The following ZFAT variants were observed in gnomAD, a reference collection of about 807,000 sequenced individuals.
The protein encoded by ZFAT is zinc finger and AT-hook domain containing.
In ZFAT, 64 loss-of-function variants were observed where a neutral mutation model predicts 117.7. The observed-to-expected ratio is 0.54, with a 90% CI of 0.44 to 0.67. ZFAT has a LOEUF of 0.67. Ranked by LOEUF, ZFAT falls within the 30% of genes least tolerant of loss-of-function variation. ZFAT has a pLI of 0.00. For missense variants in ZFAT, 1,433 were observed against 1,584.5 expected (o/e 0.90, Z 1.62); for synonymous variants, 679 against 615.0 (o/e 1.10, Z -1.54).
chr8:134,486,922 G>C (rs998336535), intron 15 of ZFAT, among the ~76,000 whole-genome samples: 5 of 152,160 alleles, frequency 3.3e-5, no homozygotes, highest in African/African-American at 1.2e-4. Context: ...AGGAACATGG[G>C]TGTGCATGTG....
the ZFAT span, among the ~76,000 whole-genome samples, chr8:134,746,669 T>C: frequency 1.3e-5 from 2 of 152,230 alleles, no homozygotes; most frequent in African/African-American, 2.4e-5. Flanking sequence ...CAATGCAGTG[T>C]CTTAGTTCTT....
chr8:134,596,552 C>T (rs930868452), intron 7 of ZFAT, among the ~76,000 whole-genome samples: 3 of 152,186 alleles, frequency 2.0e-5, no homozygotes, highest in African/African-American at 7.2e-5. Flanking sequence ...GAATTAACCT[C>T]CATGCTTTCT....
At chr8:134,612,450 T>A (rs1828410780) in intron 3 of ZFAT, among the ~76,000 whole-genome samples, 1 of 152,176 alleles carries the variant, frequency 6.6e-6, no homozygotes, top group African/African-American at 2.4e-5. Flanking sequence ...AGGGAAAAGA[T>A]AAAATGGAGG....
At chr8:134,826,014 C>T in the ZFAT span, among the ~76,000 whole-genome samples, 7 of 142,338 alleles carry the variant, frequency 4.9e-5, no homozygotes, top group Admixed American at 3.5e-4. Flanking sequence ...GAGCGAGACT[C>T]TGTCTCAAAA....
chr8:134,655,377 G>A (rs1831534842), intron 2 of ZFAT, among the ~76,000 whole-genome samples: 2 of 152,202 alleles, frequency 1.3e-5, no homozygotes, highest in Non-Finnish European at 2.9e-5. Context: ...GCGGGGTACG[G>A]TGGCTCACAC....
the ZFAT span, among the ~76,000 whole-genome samples, chr8:134,811,643 T>C: frequency 6.6e-6 from 1 of 152,182 alleles, no homozygotes; most frequent in Non-Finnish European, 1.5e-5. Context: ...ACCTTAATAG[T>C]ATAATTCTAT....
chr8:134,584,546 A>G (rs1825930408), intron 9 of ZFAT, among the ~76,000 whole-genome samples: 1 of 152,262 alleles, frequency 6.6e-6, no homozygotes, highest in African/African-American at 2.4e-5. Flanking sequence ...AAGCACATTT[A>G]CTTTGTAAAA....
chr8:134,572,896 C>T (rs1489693699), intron 10 of ZFAT, among the ~76,000 whole-genome samples: 1 of 152,034 alleles, frequency 6.6e-6, no homozygotes, highest in African/African-American at 2.4e-5. Context: ...CTTTATTTGA[C>T]CCACAGGCCC....
chr8:134,688,423 A>G (rs559071165), intron 1 of ZFAT, among the ~76,000 whole-genome samples: 66 of 152,358 alleles, frequency 4.3e-4, no homozygotes, highest in African/African-American at 1.6e-3. Context: ...AGACACAGGC[A>G]ATTCAGAAGC....
At chr8:134,556,647 G>A (rs1823648218) in intron 11 of ZFAT, among the ~76,000 whole-genome samples, 1 of 152,002 alleles carries the variant, frequency 6.6e-6, no homozygotes, top group Non-Finnish European at 1.5e-5. Flanking sequence ...GAAAAGGGAT[G>A]GAACATTTTT....
chr8:134,565,220 C>T lies in ZFAT; in HGVS notation c.2976+113G>A, dbSNP rs555524289. ...TCCACGTGTACCAGCTAAGGGGGCC[C>T]CAAAGCGAAGGTAAAACCAACAAAC... On this transcript the variant is annotated intron_variant, in intron 11 of 15. Transcript: ENST00000377838. The T allele has an allele frequency of 6.4e-6, 10 of 1,555,920 alleles. No homozygotes were observed. In the Admixed American group the frequency reaches 1.1e-4, roughly 18 times the overall value.
chr8:134,573,838 G>A (rs954630659), intron 10 of ZFAT, among the ~76,000 whole-genome samples: 3 of 152,234 alleles, frequency 2.0e-5, no homozygotes, highest in Non-Finnish European at 4.4e-5. Context: ...GTCCTTTGCA[G>A]CGCTGCCTGG....
At chr8:134,756,600 C>T in the ZFAT span, among the ~76,000 whole-genome samples, 1 of 152,250 alleles carries the variant, frequency 6.6e-6, no homozygotes, top group Non-Finnish European at 1.5e-5. Flanking sequence ...AGATGCTGGG[C>T]ACACTGCCTG....
At chr8:134,647,902 G>A (rs1215908522) in intron 2 of ZFAT, among the ~76,000 whole-genome samples, 1 of 152,048 alleles carries the variant, frequency 6.6e-6, no homozygotes, top group Non-Finnish European at 1.5e-5. Context: ...AATTAATATT[G>A]TTAAAATGTT....
At chr8:134,832,194 G>C in the ZFAT span, among the ~76,000 whole-genome samples, 25 of 151,444 alleles carry the variant, frequency 1.7e-4, no homozygotes, top group African/African-American at 5.8e-4. Context: ...TCCGCACTGA[G>C]AAAGCAGCCT....
At chr8:134,715,999 T>A (rs1183288160), upstream of ZFAT, among the ~76,000 whole-genome samples, 1 of 152,098 alleles carries the variant, frequency 6.6e-6, no homozygotes, top group Non-Finnish European at 1.5e-5. Context: ...TGGTGGCTCA[T>A]GCCTGTAATC....
chr8:134,825,358 C>A, the ZFAT span, among the ~76,000 whole-genome samples: 138 of 152,324 alleles, frequency 9.1e-4, no homozygotes, highest in Middle Eastern at 3.4e-3. Flanking sequence ...ACCTTTACCC[C>A]CTTCCCTCCC....
rs1273639476 is a variant in ZFAT at position 134,640,743 on chromosome 8, T to C, written c.197-3031A>G. Among the ~76,000 whole-genome samples the C allele has an allele frequency of 1.3e-5, 2 of 152,180 alleles. 1 individual carries two copies. Among genetic ancestry groups the C allele is most frequent in the Non-Finnish European group, 2.9e-5 (2 of 68,038 alleles). ...ATCTTCCAGCTTGCTGCATCCATAA[T>C]TCAGATCCTCAAGACCAATTAGCTA... is the stretch of plus-strand genomic sequence containing the variant. On this transcript the variant is annotated intron_variant, in intron 2 of 15. Coordinates refer to ENST00000377838, the MANE Select transcript of ZFAT (RefSeq NM_020863.4).
At chr8:134,754,472 A>G in the ZFAT span, among the ~76,000 whole-genome samples, 5 of 152,208 alleles carry the variant, frequency 3.3e-5, no homozygotes, top group African/African-American at 9.7e-5. Context: ...GGGAATATAA[A>G]CATGGGCTGC....
Sources: gnomAD v4.1 joint callset for allele counts (sites outside exome capture counted in the v4.1 genomes callset) on GRCh38, gnomAD v4.1.1 for gene constraint, MANE v1.5 for transcripts, NCBI Gene and HGNC (gene_info 2026-07-23, HGNC 2026-07-21) for gene names.